Variants in MNAT1 observed in about 807,000 individuals in gnomAD.
MNAT1 encodes CDK-activating kinase assembly factor MAT1.
A neutral mutation model predicts 42.0 loss-of-function variants in MNAT1; 43 were observed. The observed-to-expected ratio is 1.02, with a 90% CI of 0.80 to 1.32. The LOEUF is 1.32. Ranked by LOEUF, MNAT1 falls within the 40% of genes most tolerant of loss-of-function variation. MNAT1 has a pLI of 0.00. For missense variants in MNAT1, 306 were observed against 350.4 expected (o/e 0.87, Z 1.01); for synonymous variants, 118 against 120.0 (o/e 0.98, Z 0.11).
intron 6 of MNAT1, among the ~76,000 whole-genome samples, chr14:60,879,201 A>G (rs190250366): frequency 1.3e-5 from 2 of 152,254 alleles, no homozygotes; most frequent in South Asian, 2.1e-4. Flanking sequence ...CCATTCTTCC[A>G]TCCAGTCTTC....
Position 60,821,848 on chromosome 14 carries a change from T to A in MNAT1, c.687+3001T>A, listed in dbSNP as rs534127829. Among the ~76,000 whole-genome samples the A allele has an allele frequency of 2.9e-4, 44 of 152,284 alleles. No individual in the cohort carries two copies. In the East Asian group the frequency reaches 3.1e-3, roughly 11 times the overall value. ...TTGTACTATGTAATTATTCAAAAAA[T>A]TTTTTTGAATAAATTATTCTCATTT... On this transcript the variant is annotated intron_variant, in intron 6 of 7. Transcript: ENST00000261245.
At position 60,968,366 on chromosome 14, in the gene MNAT1, G is replaced by T; in HGVS notation, c.*17G>T. The stretch of plus-strand genomic sequence containing the variant: ...CCCAGTTAACCATTTATAAGATTTG[G>T]ACCTTGGAGCTGAACCAGGGAGCTA... On this transcript the variant is annotated 3_prime_UTR_variant, in exon 8 of 8. Transcript: ENST00000261245. 1 of 1,605,706 alleles carries T rather than the reference G, an allele frequency of 6.2e-7. No individual in the cohort carries two copies. Among genetic ancestry groups the T allele is most frequent in the South Asian group, 1.1e-5 (1 of 89,746 alleles).
At chr14:60,866,960 G>A (rs1268715659) in intron 6 of MNAT1, among the ~76,000 whole-genome samples, 1 of 152,016 alleles carries the variant, frequency 6.6e-6, no homozygotes, top group African/African-American at 2.4e-5. Context: ...TTTTCTGTGT[G>A]GAACACTAAT....
chr14:60,910,476 C>G (rs1411891750), intron 7 of MNAT1, among the ~76,000 whole-genome samples: 4 of 152,208 alleles, frequency 2.6e-5, no homozygotes, highest in Non-Finnish European at 5.9e-5. Flanking sequence ...ATAGATAGCT[C>G]TTATTATTTT....
intron 7 of MNAT1, among the ~76,000 whole-genome samples, chr14:60,896,370 A>G (rs2034956728): frequency 6.6e-6 from 1 of 152,192 alleles, no homozygotes; most frequent in Non-Finnish European, 1.5e-5. Context: ...CTAGCTTTCT[A>G]GTTAATATTT....
intron 7 of MNAT1, among the ~76,000 whole-genome samples, chr14:60,929,327 T>C (rs1485507223): frequency 3.3e-5 from 5 of 151,742 alleles, no homozygotes; most frequent in Admixed American, 1.3e-4. Flanking sequence ...TTATGGATCA[T>C]GCTTTTGGTG....
chr14:60,966,891 A>G lies in MNAT1; in HGVS notation c.810-1338A>G, dbSNP rs547026113. Reference sequence around the variant, plus strand: ...ATTACACTGACTATATTAGTATCTTATGTATATAATTATATATAGTAACAT... The same window carrying G: ...ATTACACTGACTATATTAGTATCTTGTGTATATAATTATATATAGTAACAT... On this transcript the variant is annotated intron_variant, in intron 7 of 7. Transcript: ENST00000261245. Among the ~76,000 whole-genome samples the G allele has an allele frequency of 1.1e-4, 16 of 152,028 alleles. 1 individual carries two copies. The South Asian group carries it at 3.1e-3, about 30-fold the overall frequency.
chr14:60,824,512 T>C (rs2032994852), intron 6 of MNAT1, among the ~76,000 whole-genome samples: 1 of 152,202 alleles, frequency 6.6e-6, no homozygotes, highest in South Asian at 2.1e-4. Context: ...AGACAAATAC[T>C]ACTCAATAAG....
intron 1 of MNAT1, among the ~76,000 whole-genome samples, chr14:60,795,569 G>A (rs574482178): frequency 7.2e-5 from 11 of 152,196 alleles, no homozygotes; most frequent in Admixed American, 2.0e-4. Context: ...TTGGGGCAAC[G>A]AACTTTAACC....
rs1457689313 is a variant in MNAT1 at position 60,739,487 on chromosome 14, A to T, written c.89+4536A>T. Among the ~76,000 whole-genome samples, 3 of 152,056 alleles carry T rather than the reference A, an allele frequency of 2.0e-5. No individual in the cohort carries two copies. In the East Asian group the frequency reaches 5.8e-4, roughly 29 times the overall value. ...TTCATAAAAGAGGAACTATAGGGTT[A>T]TGGAAAAATTAACTAGGAGTTTTAC... On this transcript the variant is annotated intron_variant, in intron 1 of 7. Transcript: ENST00000261245.
At position 60,896,679 on chromosome 14, in the gene MNAT1, G is replaced by T. The variant is rs532377948; in HGVS notation, c.809+16844G>T. 8.5e-5 allele frequency among the ~76,000 whole-genome samples: 13 copies of T among 152,136 alleles called. No homozygotes were observed. The East Asian group carries it at 2.5e-3, about 29-fold the overall frequency. On this transcript the variant is annotated intron_variant, in intron 7 of 7. Transcript: ENST00000261245. ...TTTTTGTATTTTTAGTAGAGACGGG[G>T]TTTCACCATGTTGGCCAGGCTGGTC...
In MNAT1 at chr14:60,794,650, A is replaced by AT. The variant is rs1173315769; in HGVS notation, c.90-1567_90-1566insT. Among the ~76,000 whole-genome samples the AT allele has an allele frequency of 4.1e-3, 388 of 93,552 alleles. 1 individual carries two copies. The highest frequency in any genetic ancestry group is 0.018 in the South Asian group (54 of 3,008). The allele number at this position is 93,552 out of a possible 152,430, so 61.4% of individuals were successfully genotyped here. ...CACTGCATTCTCAAAAAAAAAAAAA[A>AT]AAAAAAAAAAATATATATATATATA... On this transcript the variant is annotated intron_variant, in intron 1 of 7. Transcript: ENST00000261245.
intron 3 of MNAT1, 35 bp downstream of exon 3, chr14:60,798,195 G>T: frequency 9.0e-7 from 1 of 1,109,708 alleles, no homozygotes; most frequent in South Asian, 1.4e-5. Context: ...TAGCCTATAA[G>T]ACCATGTGCT....
chr14:60,955,091 CT>C lies in MNAT1; in HGVS notation c.810-13137del, dbSNP rs199769556. 5.1e-3 allele frequency among the ~76,000 whole-genome samples: 779 copies of C among 152,028 alleles called. 14 individuals carry two copies. The highest frequency in any genetic ancestry group is 0.018 in the African/African-American group (731 of 41,442). Reference sequence around the variant, plus strand: ...ATAGTGTATTGATTCTTTTAATATGCTGTTGATTTTGGTTTGCTAATATTTT... The same window carrying C: ...ATAGTGTATTGATTCTTTTAATATGCGTTGATTTTGGTTTGCTAATATTTT... On this transcript the variant is annotated intron_variant, in intron 7 of 7. Coordinates refer to ENST00000261245, the MANE Select transcript of MNAT1 (RefSeq NM_002431.4).
intron 1 of MNAT1, among the ~76,000 whole-genome samples, chr14:60,787,506 C>A (rs1231780879): frequency 6.6e-6 from 1 of 152,138 alleles, no homozygotes; most frequent in Non-Finnish European, 1.5e-5. Flanking sequence ...TTGGTGATTT[C>A]TTAAAATGAG....
intron 7 of MNAT1, among the ~76,000 whole-genome samples, chr14:60,936,506 G>T (rs1486152302): frequency 1.3e-5 from 2 of 151,430 alleles, no homozygotes; most frequent in East Asian, 3.9e-4. Context: ...ATAGTTTGCT[G>T]AGAATGATGG....
intron 7 of MNAT1, among the ~76,000 whole-genome samples, chr14:60,885,539 G>C (rs933922392): frequency 6.6e-6 from 1 of 151,722 alleles, no homozygotes; most frequent in Non-Finnish European, 1.5e-5. Context: ...ACACCTTTTG[G>C]CCATTCATAT....
intron 4 of MNAT1, among the ~76,000 whole-genome samples, chr14:60,810,775 A>G (rs72722263): frequency 6.6e-5 from 10 of 152,264 alleles, no homozygotes; most frequent in East Asian, 1.9e-4. Flanking sequence ...CTTGTGACCT[A>G]TCCTGTAGAA....
intron 1 of MNAT1, among the ~76,000 whole-genome samples, chr14:60,764,346 C>T (rs1170952226): frequency 6.6e-6 from 1 of 152,174 alleles, no homozygotes; most frequent in African/African-American, 2.4e-5. Flanking sequence ...CATTTTTCTT[C>T]AGTACATTCT....
Sources: allele counts gnomAD v4.1 joint callset (sites outside exome capture counted in the v4.1 genomes callset), GRCh38; gene constraint gnomAD v4.1.1; transcripts MANE v1.5; gene names NCBI Gene and HGNC (gene_info 2026-07-23, HGNC 2026-07-21).